ELF5: variants seen among roughly 807,000 people sequenced by gnomAD.
ELF5 encodes E74 like ETS transcription factor 5.
ELF5 carries 31 observed loss-of-function variants against 38.2 expected under a neutral mutation model. The observed-to-expected ratio is 0.81, with a 90% confidence interval of 0.61 to 1.10. The LOEUF (loss-of-function observed/expected upper bound fraction) is 1.10, where lower values mean the gene tolerates loss of function less well. Among genes scored for constraint, ELF5 ranks in the 50% least tolerant of loss-of-function variants. The pLI is 0.00. For missense variants in ELF5, 300 were observed against 306.6 expected, an observed-to-expected ratio of 0.98 and a Z score of 0.16; for synonymous variants, 121 against 112.5, an observed-to-expected ratio of 1.08 and a Z score of -0.48.
intron 5 of ELF5, 140 bp from the exon 6 acceptor site, chr11:34,481,107 C>T (rs1856933400): frequency 1.7e-6 from 1 of 579,730 alleles, no homozygotes; most frequent in Non-Finnish European, 2.6e-6. Flanking sequence ...ACTGCAACCT[C>T]TGCCTCCTGG....
chr11:34,482,490 G>T lies in ELF5; in HGVS notation c.416C>A (p.Ser139Tyr). The part of the protein sequence containing the change: ...SKATIKDYAD[S>Y]NCLKTSGIKS... ...GATGCCACTTGTTTTCAAGCAGTTG[G>T]AATCAGCATCTGAAATAGAATAATT... Residue 139 changes from serine (S) to tyrosine (Y), a missense_variant, in exon 5 of 7, where the codon TCC (serine) becomes TAC (tyrosine). Transcript: ENST00000257832. The T allele has an allele frequency of 6.2e-7, 1 of 1,612,806 alleles. No homozygotes were observed.
intron 3 of ELF5, 23 bp from the exon 4 acceptor site, chr11:34,490,082 G>A (rs779315222): frequency 6.2e-7 from 1 of 1,613,476 alleles, no homozygotes; most frequent in African/African-American, 1.3e-5. Context: ...AAGAAATCCA[G>A]AAACCATACC....
At chr11:34,496,140 G>A (rs1170332476) in intron 2 of ELF5, among the ~76,000 whole-genome samples, 6 of 152,246 alleles carry the variant, frequency 3.9e-5, no homozygotes, top group Admixed American at 1.3e-4. Context: ...AGCCAAGGGG[G>A]CCTCAAGGAT....
intron 4 of ELF5, among the ~76,000 whole-genome samples, chr11:34,488,116 A>G (rs1286504983): frequency 1.3e-5 from 2 of 152,110 alleles, no homozygotes; most frequent in Admixed American, 1.3e-4. Context: ...ATTACACACA[A>G]AACATGCTGA....
At chr11:34,501,488 A>G (rs1234354498) in intron 2 of ELF5, among the ~76,000 whole-genome samples, 1 of 152,104 alleles carries the variant, frequency 6.6e-6, no homozygotes, top group Non-Finnish European at 1.5e-5. Flanking sequence ...CAGGGTACTC[A>G]ATGACTACTG....
intron 2 of ELF5, among the ~76,000 whole-genome samples, chr11:34,500,933 G>C (rs1158682743): frequency 6.6e-6 from 1 of 151,778 alleles, no homozygotes; most frequent in African/African-American, 2.4e-5. Context: ...TAATATTATA[G>C]CTAACATATT....
chr11:34,501,110 G>T (rs1365101465), intron 2 of ELF5, among the ~76,000 whole-genome samples: 2 of 152,212 alleles, frequency 1.3e-5, no homozygotes, highest in African/African-American at 4.8e-5. Context: ...CCCGTAAGTG[G>T]CAGAGCTAGG....
At position 34,480,367 on chromosome 11, in the gene ELF5, C is replaced by G. The variant is rs142672340; in HGVS notation, c.672-53G>C. 391 of 1,368,894 alleles carry G rather than the reference C, an allele frequency of 2.9e-4. 3 individuals carry two copies. In the East Asian group the frequency reaches 8.0e-3, roughly 28 times the overall value. 84.8% of individuals were successfully genotyped at this position (1,368,894 alleles called of 1,614,324 possible). ...TGGGAGAGCTTGCACCCTAGGAAAA[C>G]AACAGAACACAAACACTGTCTCCTC... On this transcript the variant is annotated intron_variant, in intron 6 of 6. Coordinates refer to ENST00000257832, the MANE Select transcript of ELF5 (RefSeq NM_001422.4).
chr11:34,493,413 C>T lies in ELF5; in HGVS notation c.355+66G>A. 3.4e-6 allele frequency: 5 copies of T among 1,475,534 alleles called. No homozygotes were observed. In the South Asian group the frequency reaches 5.9e-5, roughly 18 times the overall value. The allele number at this position is 1,475,534 out of a possible 1,614,324, so 91.4% of individuals were successfully genotyped here. On this transcript the variant is annotated intron_variant, in intron 3 of 6. Coordinates refer to ENST00000257832, the MANE Select transcript of ELF5 (RefSeq NM_001422.4). ...GTGCAATTCACACGATGGGAAAGGA[C>T]TTCTCAAAGTTGTTTGGTCCTAATC...
At chr11:34,481,113 C>T in intron 5 of ELF5, 146 bp from the exon 6 acceptor site, 1 of 556,018 alleles carries the variant, frequency 1.8e-6, no homozygotes. Context: ...ACCTCTGCCT[C>T]CTGGGTTCAA....
rs1428891857 is a variant in ELF5 at position 34,510,411 on chromosome 11, G to C, written c.-5+3266C>G. 2.0e-5 allele frequency among the ~76,000 whole-genome samples: 3 copies of C among 152,038 alleles called. No individual in the cohort carries two copies. The East Asian group carries it at 5.8e-4, about 29-fold the overall frequency. ...CTTAGCCAGCATGCAGTAGGTGTGA[G>C]AGTTCAAGAATAATGGCTGCTTTGT... On this transcript the variant is annotated intron_variant, in intron 1 of 6. Transcript: ENST00000257832.
chr11:34,510,879 T>C (rs899465783), intron 1 of ELF5, among the ~76,000 whole-genome samples: 5 of 152,202 alleles, frequency 3.3e-5, no homozygotes, highest in Admixed American at 3.3e-4. Flanking sequence ...TCAGCGCCAG[T>C]ACAGACAGGG....
intron 4 of ELF5, among the ~76,000 whole-genome samples, chr11:34,483,551 C>T (rs1856990165): frequency 6.6e-6 from 1 of 151,942 alleles, no homozygotes; most frequent in African/African-American, 2.4e-5. Context: ...CTATATTGTA[C>T]TATACCACAC....
chr11:34,505,702 G>A lies in ELF5; in HGVS notation c.48C>T (p.Phe16=), dbSNP rs752563188. 5 of 1,614,140 alleles carry A rather than the reference G, an allele frequency of 3.1e-6. No homozygotes were observed. The highest frequency in any genetic ancestry group is 1.1e-5 in the South Asian group (1 of 91,068). Reference sequence around the variant, plus strand: ...CAGTCCACGACATCAGGGGATCGCAGAAGGATGCATTAGGCAGGAAGGTGC... The same window carrying A: ...CAGTCCACGACATCAGGGGATCGCAAAAGGATGCATTAGGCAGGAAGGTGC... ...THSTFLPNAS[F]CDPLMSWTDL... is the part of the protein sequence containing the mutation. The change falls in exon 2 of 7, where the codon TTC becomes TTT. Residue 16 remains phenylalanine (F), a synonymous_variant. Coordinates refer to ENST00000257832, the MANE Select transcript of ELF5 (RefSeq NM_001422.4).
chr11:34,503,169 T>C (rs1850513274), intron 2 of ELF5, among the ~76,000 whole-genome samples: 1 of 151,912 alleles, frequency 6.6e-6, no homozygotes, highest in Non-Finnish European at 1.5e-5. Flanking sequence ...AACTAATCCT[T>C]TTTTTTTGAC....
chr11:34,485,527 G>A (rs1212895061), intron 4 of ELF5, among the ~76,000 whole-genome samples: 1 of 152,220 alleles, frequency 6.6e-6, no homozygotes, highest in Non-Finnish European at 1.5e-5. Context: ...GAAGTGGGAG[G>A]AAAAACATTG....
At chr11:34,495,087 G>A (rs1850285238) in intron 2 of ELF5, among the ~76,000 whole-genome samples, 2 of 152,216 alleles carry the variant, frequency 1.3e-5, no homozygotes, top group South Asian at 4.1e-4. Context: ...GCGTGTGGCA[G>A]AGCTGGATTT....
intron 4 of ELF5, among the ~76,000 whole-genome samples, chr11:34,489,096 A>G (rs1850090474): frequency 1.3e-5 from 2 of 152,256 alleles, no homozygotes; most frequent in Non-Finnish European, 2.9e-5. Flanking sequence ...AGCAGGGTGC[A>G]CCTGCTTAAG....
intron 2 of ELF5, among the ~76,000 whole-genome samples, chr11:34,500,707 T>G (rs1850444115): frequency 6.6e-6 from 1 of 152,228 alleles, no homozygotes; most frequent in Admixed American, 6.5e-5. Flanking sequence ...ACCTCAGACT[T>G]TCAGATGATT....
Sources: gnomAD v4.1 joint callset for allele counts (sites outside exome capture counted in the v4.1 genomes callset) on GRCh38, gnomAD v4.1.1 for gene constraint, MANE v1.5 for transcripts, NCBI Gene and HGNC (gene_info 2026-07-23, HGNC 2026-07-21) for gene names.